Variants in HOOK3 observed in about 807,000 individuals in gnomAD.
HOOK3 encodes hook microtubule tethering protein 3.
In HOOK3, 24 loss-of-function variants were observed where a neutral mutation model predicts 116.3. The ratio of observed to expected loss-of-function variants is 0.21; its 90% CI spans 0.15 to 0.29. The LOEUF (loss-of-function observed/expected upper bound fraction) is 0.29. HOOK3 is among the 10% of genes least tolerant of loss of function. The probability of loss-of-function intolerance (pLI) is 1.00; values close to 1 mark genes in which losing one functional copy is unlikely to be tolerated. For synonymous variants in HOOK3, 275 were observed against 283.0 expected (o/e 0.97, Z 0.28); for missense variants, 632 against 830.2 (o/e 0.76, Z 2.93).
chr8:43,015,053 A>G (rs542680582), intron 21 of HOOK3, among the ~76,000 whole-genome samples: 3 of 152,110 alleles, frequency 2.0e-5, no homozygotes, highest in South Asian at 4.2e-4. Flanking sequence ...AGGCTGAGGC[A>G]CGAGAATCGC....
At chr8:42,950,493 T>G (rs750988950) in intron 6 of HOOK3, 38 bp downstream of exon 6, 1 of 1,364,344 alleles carries the variant, frequency 7.3e-7, no homozygotes, top group Admixed American at 1.7e-5. Flanking sequence ...TATGAAAAAT[T>G]AAAGGAGTAA....
chr8:42,951,161 A>G (rs911068324), intron 6 of HOOK3, among the ~76,000 whole-genome samples: 3 of 152,142 alleles, frequency 2.0e-5, no homozygotes, highest in African/African-American at 7.2e-5. Flanking sequence ...CCCAGGTTCA[A>G]GCAATTCTCC....
intron 17 of HOOK3, among the ~76,000 whole-genome samples, chr8:43,003,812 C>A (rs891603515): frequency 6.6e-6 from 1 of 152,124 alleles, no homozygotes; most frequent in Non-Finnish European, 1.5e-5. Context: ...TCTCTTTCTC[C>A]ACCTTCACAT....
rs1809979784 is a variant in HOOK3, at chr8:43,028,948, G to A, written c.*10450G>A. The A allele has an allele frequency of 5.0e-6, 1 of 201,890 alleles. No homozygotes were observed. Among genetic ancestry groups the A allele is most frequent in the East Asian group, 7.6e-5 (1 of 13,206 alleles). The allele number at this position is 201,890 out of a possible 1,614,324, so 12.5% of individuals were successfully genotyped here. The stretch of plus-strand genomic sequence containing the variant: ...TTCTTATTGTAGTTCAAGTACAGAT[G>A]AGTAAGTGGTGTGACTTCAGTTTAT... On this transcript the variant is annotated 3_prime_UTR_variant, in exon 22 of 22. Transcript: ENST00000307602.
intron 4 of HOOK3, among the ~76,000 whole-genome samples, chr8:42,941,273 T>C (rs371231542): frequency 4.1e-4 from 61 of 147,736 alleles, no homozygotes; most frequent in Admixed American, 2.5e-3. Context: ...CCCAGCACTT[T>C]GGGAGGCCGA....
intron 14 of HOOK3, among the ~76,000 whole-genome samples, chr8:42,983,806 T>C (rs1808997650): frequency 6.6e-6 from 1 of 152,074 alleles, no homozygotes; most frequent in Non-Finnish European, 1.5e-5. Flanking sequence ...ATAACTAGCT[T>C]TATGTGTAAA....
At chr8:43,010,553 G>A (rs1809585672) in intron 19 of HOOK3, 148 bp downstream of exon 19, 1 of 265,140 alleles carries the variant, frequency 3.8e-6, no homozygotes, top group Admixed American at 5.5e-5. Context: ...AAAAGAACCT[G>A]AGCAACAAGC....
intron 18 of HOOK3, among the ~76,000 whole-genome samples, chr8:43,009,919 G>A (rs1410707381): frequency 6.6e-6 from 1 of 151,760 alleles, no homozygotes; most frequent in Non-Finnish European, 1.5e-5. Flanking sequence ...TATAATATTT[G>A]TCCTTTTGTA....
intron 2 of HOOK3, among the ~76,000 whole-genome samples, chr8:42,917,915 A>C (rs1009736744): frequency 5.3e-5 from 8 of 152,344 alleles, no homozygotes; most frequent in African/African-American, 1.9e-4. Context: ...ACACACATTT[A>C]ATGGCAGAGG....
intron 4 of HOOK3, among the ~76,000 whole-genome samples, chr8:42,932,265 G>A (rs1387163243): frequency 1.3e-5 from 2 of 151,860 alleles, no homozygotes; most frequent in Admixed American, 6.6e-5. Context: ...TTTTTCCTTC[G>A]ACCAGAAGTA....
In HOOK3 at chr8:42,930,213, C is replaced by T. The variant is rs199683481; in HGVS notation, c.267+41C>T. 28 of 1,444,704 alleles carry T rather than the reference C, an allele frequency of 1.9e-5. No homozygotes were observed. In the Admixed American group the frequency reaches 5.1e-4, roughly 26 times the overall value. 89.5% of individuals were successfully genotyped at this position (1,444,704 alleles called of 1,614,324 possible). A position where few individuals can be genotyped will look rare whatever the true frequency, so the allele number is the denominator to read the frequency against. ...TCATTCTGCTTAGAAGTGTTACTAT[C>T]GGATAGTTTAATTTTATAATAGTTT... On this transcript the variant is annotated intron_variant, in intron 4 of 21. Transcript: ENST00000307602.
At chr8:42,956,534 T>C (rs1028434954) in intron 6 of HOOK3, among the ~76,000 whole-genome samples, 6 of 152,144 alleles carry the variant, frequency 3.9e-5, no homozygotes, top group African/African-American at 7.2e-5. Flanking sequence ...CCGTGTCTTA[T>C]GGTGCTGATA....
intron 2 of HOOK3, among the ~76,000 whole-genome samples, chr8:42,924,025 T>C (rs1807713519): frequency 6.6e-6 from 1 of 152,202 alleles, no homozygotes; most frequent in African/African-American, 2.4e-5. Context: ...TTAAGCTAAT[T>C]TGAGTAAAAT....
At chr8:42,897,668 C>G (rs1194660317) in intron 1 of HOOK3, among the ~76,000 whole-genome samples, 1 of 152,196 alleles carries the variant, frequency 6.6e-6, no homozygotes, top group Non-Finnish European at 1.5e-5. Flanking sequence ...GCGCGAGGGG[C>G]GGACGCCTGT....
intron 15 of HOOK3, among the ~76,000 whole-genome samples, chr8:42,996,494 T>A (rs1180193070): frequency 6.6e-6 from 1 of 152,214 alleles, no homozygotes; most frequent in Non-Finnish European, 1.5e-5. Context: ...GACTTGAGGC[T>A]TGCTGATTAC....
At chr8:42,912,995 C>T (rs1444688742) in intron 2 of HOOK3, among the ~76,000 whole-genome samples, 1 of 152,148 alleles carries the variant, frequency 6.6e-6, no homozygotes, top group East Asian at 1.9e-4. Flanking sequence ...TAGTTGGAAC[C>T]ATACACCATG....
At chr8:42,937,341 T>C (rs1262557320) in intron 4 of HOOK3, among the ~76,000 whole-genome samples, 1 of 149,338 alleles carries the variant, frequency 6.7e-6, no homozygotes, top group Non-Finnish European at 1.5e-5. Context: ...AACCAGCTCC[T>C]GGATTCATTG....
chr8:42,918,408 G>GT (rs201819936), intron 2 of HOOK3, among the ~76,000 whole-genome samples: 3,734 of 151,772 alleles, frequency 0.025, 161 homozygotes, highest in African/African-American at 0.087. Context: ...AAATTTAGGT[G>GT]TTTTTTTTAA....
intron 2 of HOOK3, among the ~76,000 whole-genome samples, chr8:42,923,067 T>C (rs1807690237): frequency 6.6e-6 from 1 of 152,150 alleles, no homozygotes; most frequent in Non-Finnish European, 1.5e-5. Context: ...TAGGCTTTTT[T>C]CCCAGAGAGG....
Sources: gnomAD v4.1 joint callset for allele counts (sites outside exome capture counted in the v4.1 genomes callset) on GRCh38, gnomAD v4.1.1 for gene constraint, MANE v1.5 for transcripts, NCBI Gene and HGNC (gene_info 2026-07-23, HGNC 2026-07-21) for gene names.